ODAD2: variants seen among roughly 807,000 people sequenced by gnomAD.
The protein encoded by ODAD2 is outer dynein arm-docking complex subunit 2.
Under a neutral mutation model 106.8 loss-of-function variants are expected in ODAD2, and 89 were observed. That is an observed-to-expected ratio of 0.83 (90% CI 0.70 to 0.99). The LOEUF (loss-of-function observed/expected upper bound fraction) is 0.99, where lower values mean the gene tolerates loss of function less well. Ranked by LOEUF, ODAD2 falls within the 50% of genes least tolerant of loss-of-function variation. The pLI is 0.00. For missense variants in ODAD2, 1,168 were observed against 1,238.5 expected, an observed-to-expected ratio of 0.94 and a Z score of 0.85; for synonymous variants, 404 against 436.2, an observed-to-expected ratio of 0.93 and a Z score of 0.92.
intron 16 of ODAD2, among the ~76,000 whole-genome samples, chr10:27,923,999 A>G (rs1033575166): frequency 7.2e-6 from 1 of 138,284 alleles, no homozygotes; most frequent in African/African-American, 2.7e-5. Context: ...AGAAAGAAAG[A>G]AAGAAAGAAA....
intron 19 of ODAD2, among the ~76,000 whole-genome samples, chr10:27,859,588 G>A (rs1839899990): frequency 6.6e-6 from 1 of 152,122 alleles, no homozygotes; most frequent in African/African-American, 2.4e-5. Flanking sequence ...TCTGTTTTAA[G>A]ATGTAAATGC....
intron 10 of ODAD2, among the ~76,000 whole-genome samples, chr10:27,948,495 C>T (rs1287039965): frequency 2.0e-5 from 3 of 152,106 alleles, no homozygotes; most frequent in African/African-American, 7.2e-5. Flanking sequence ...CCATAAATAT[C>T]GAACTGAGAA....
At chr10:27,995,734 A>G (rs925802892) in intron 1 of ODAD2, 2 of 152,678 alleles carry the variant, frequency 1.3e-5, no homozygotes, top group African/African-American at 4.8e-5. Context: ...CTGAGTTAAA[A>G]AAGAAATAGA....
At chr10:27,826,638 T>C (rs561166371) in intron 19 of ODAD2, among the ~76,000 whole-genome samples, 1 of 151,908 alleles carries the variant, frequency 6.6e-6, no homozygotes, top group South Asian at 2.1e-4. Flanking sequence ...GTGGAAGAGG[T>C]GTCTCCTCCT....
At chr10:27,859,399 T>A (rs952842798) in intron 19 of ODAD2, among the ~76,000 whole-genome samples, 1 of 152,208 alleles carries the variant, frequency 6.6e-6, no homozygotes. Flanking sequence ...AACATCATAT[T>A]CTTCTACTGG....
At chr10:27,989,617 G>C (rs1415443588) in intron 2 of ODAD2, among the ~76,000 whole-genome samples, 3 of 152,168 alleles carry the variant, frequency 2.0e-5, no homozygotes, top group Non-Finnish European at 4.4e-5. Context: ...AGAAGCCAAA[G>C]GGCACAGGTG....
intron 9 of ODAD2, among the ~76,000 whole-genome samples, chr10:27,965,422 A>G (rs4237388): frequency 0.38 from 57,532 of 152,026 alleles, 12,280 homozygotes; most frequent in Middle Eastern, 0.59. Flanking sequence ...AGGATATAAG[A>G]AAATTCATTT....
chr10:27,946,027 T>C (rs920113673), intron 10 of ODAD2, among the ~76,000 whole-genome samples: 1 of 149,992 alleles, frequency 6.7e-6, no homozygotes, highest in Non-Finnish European at 1.5e-5. Flanking sequence ...TATATAATTA[T>C]GTATACAAAT....
intron 17 of ODAD2, among the ~76,000 whole-genome samples, chr10:27,869,985 T>C (rs1345661574): frequency 6.6e-6 from 1 of 152,064 alleles, no homozygotes; most frequent in Non-Finnish European, 1.5e-5. Flanking sequence ...AAAATGACCT[T>C]CAAAGTAAAA....
At chr10:27,972,849 GA>G (rs1257551324) in intron 7 of ODAD2, among the ~76,000 whole-genome samples, 2 of 151,820 alleles carry the variant, frequency 1.3e-5, no homozygotes, top group African/African-American at 2.4e-5. Flanking sequence ...AAAATGAGCA[GA>G]AAAAAACATC....
At chr10:27,993,972 ATATG>A (rs1554826293) in intron 2 of ODAD2, among the ~76,000 whole-genome samples, 7 of 92,184 alleles carry the variant, frequency 7.6e-5, no homozygotes, top group East Asian at 3.1e-4. Context: ...ATATATATAT[ATATG>A]TGTGTGTGTG....
At chr10:27,889,177 C>T (rs975141574) in intron 17 of ODAD2, among the ~76,000 whole-genome samples, 6 of 152,166 alleles carry the variant, frequency 3.9e-5, no homozygotes, top group Non-Finnish European at 7.3e-5. Context: ...CTAAAGGTTG[C>T]CTGTGGCTGC....
chr10:27,926,003 C>T (rs1845229851), intron 16 of ODAD2, among the ~76,000 whole-genome samples: 1 of 96,136 alleles, frequency 1.0e-5, no homozygotes, highest in Admixed American at 1.1e-4. Context: ...GAGACTCCAG[C>T]TAAAAAAAAA....
chr10:27,837,025 C>G (rs1837944859), intron 19 of ODAD2, among the ~76,000 whole-genome samples: 1 of 152,134 alleles, frequency 6.6e-6, no homozygotes, highest in Admixed American at 6.5e-5. Context: ...AAACTGCCCA[C>G]CGTGAGGATT....
At chr10:27,876,907 G>A (rs990143205) in intron 17 of ODAD2, among the ~76,000 whole-genome samples, 1 of 152,114 alleles carries the variant, frequency 6.6e-6, no homozygotes, top group African/African-American at 2.4e-5. Context: ...GTAGCCTTTT[G>A]TTCTTCATAT....
rs1394106490 is a variant in ODAD2, at chr10:27,860,477, C to T, written c.3021+148G>A. ...AAAAAGAAAAAAAAAGTCATGATAACACATGGCTTGAATGCAGCCATGATG... is the reference window on the plus strand; with the variant it reads ...AAAAAGAAAAAAAAAGTCATGATAATACATGGCTTGAATGCAGCCATGATG... On this transcript the variant is annotated intron_variant, in intron 19 of 19. Coordinates refer to ENST00000305242, the MANE Select transcript of ODAD2 (RefSeq NM_018076.5). The T allele has an allele frequency of 5.8e-6, 4 of 692,494 alleles. No homozygotes were observed. In the East Asian group the frequency reaches 1.1e-4, roughly 19 times the overall value. 42.9% of individuals were successfully genotyped at this position (692,494 alleles called of 1,614,324 possible). A position where few individuals can be genotyped will look rare whatever the true frequency, so the allele number is the denominator to read the frequency against.
chr10:27,950,146 C>G (rs1268044577), intron 10 of ODAD2, among the ~76,000 whole-genome samples: 1 of 152,146 alleles, frequency 6.6e-6, no homozygotes, highest in African/African-American at 2.4e-5. Context: ...TTTGAACATT[C>G]TCAGCATTTT....
intron 16 of ODAD2, among the ~76,000 whole-genome samples, chr10:27,932,125 G>T (rs914930534): frequency 5.9e-5 from 9 of 151,966 alleles, no homozygotes; most frequent in Admixed American, 2.0e-4. Context: ...TATAGAGACG[G>T]GGGTCTTGCT....
intron 10 of ODAD2, among the ~76,000 whole-genome samples, chr10:27,956,679 G>A (rs2132777691): frequency 6.6e-6 from 1 of 152,266 alleles, no homozygotes; most frequent in South Asian, 2.1e-4. Context: ...TCTTCTCAAT[G>A]TTTTACTGGA....
Sources: allele counts gnomAD v4.1 joint callset (sites outside exome capture counted in the v4.1 genomes callset), GRCh38; gene constraint gnomAD v4.1.1; transcripts MANE v1.5; gene names NCBI Gene and HGNC (gene_info 2026-07-23, HGNC 2026-07-21).